Variants in CSMD2 observed in about 807,000 individuals in gnomAD.
CSMD2 encodes the protein CUB and sushi domain-containing protein 2.
A neutral mutation model predicts 398.5 loss-of-function variants in CSMD2; 130 were observed. The ratio of observed to expected loss-of-function variants is 0.33; its 90% CI spans 0.28 to 0.38. CSMD2 has a LOEUF of 0.38. Ranked by LOEUF, CSMD2 falls within the 10% of genes least tolerant of loss-of-function variation. The pLI is 1.00. For synonymous variants in CSMD2, 1,828 were observed against 1,908.5 expected, an observed-to-expected ratio of 0.96 and a Z score of 1.10; for missense variants, 3,829 against 4,764.9, an observed-to-expected ratio of 0.80 and a Z score of 5.78.
chr1:33,939,409 A>G (rs1644592646), intron 3 of CSMD2, among the ~76,000 whole-genome samples: 1 of 152,168 alleles, frequency 6.6e-6, no homozygotes, highest in South Asian at 2.1e-4. Context: ...TGGGAAGGGC[A>G]GGTCAGGTAA....
chr1:34,111,272 A>G (rs1661054142), intron 1 of CSMD2, among the ~76,000 whole-genome samples: 1 of 152,190 alleles, frequency 6.6e-6, no homozygotes, highest in African/African-American at 2.4e-5. Context: ...AAACCAAACC[A>G]GTTGGTGTGG....
intron 5 of CSMD2, among the ~76,000 whole-genome samples, chr1:33,849,109 C>A (rs1225408701): frequency 6.6e-6 from 1 of 152,194 alleles, no homozygotes; most frequent in African/African-American, 2.4e-5. Flanking sequence ...TCCTAGAAAT[C>A]CTGTTAACTG....
At chr1:34,073,313 C>G (rs2148304754) in intron 2 of CSMD2, among the ~76,000 whole-genome samples, 1 of 152,342 alleles carries the variant, frequency 6.6e-6, no homozygotes, top group Middle Eastern at 3.4e-3. Context: ...CTCAAACCCA[C>G]TTCCTATTAA....
chr1:34,032,749 G>A (rs1303764145), intron 2 of CSMD2, 43 bp from the exon 3 acceptor site: 2 of 1,350,316 alleles, frequency 1.5e-6, no homozygotes, highest in Non-Finnish European at 2.1e-6. Context: ...ACCCCCTTGG[G>A]AAACTACACA....
At chr1:33,789,252 C>A (rs1329709925) in intron 11 of CSMD2, among the ~76,000 whole-genome samples, 1 of 152,104 alleles carries the variant, frequency 6.6e-6, no homozygotes, top group East Asian at 1.9e-4. Flanking sequence ...TATCTGAGGG[C>A]CACATTCTTA....
chr1:34,151,442 G>A (rs1331153203), intron 1 of CSMD2, among the ~76,000 whole-genome samples: 3 of 152,164 alleles, frequency 2.0e-5, no homozygotes, highest in African/African-American at 4.8e-5. Context: ...GAGGGTGGAG[G>A]CAGCAAGGTG....
intron 68 of CSMD2, among the ~76,000 whole-genome samples, chr1:33,520,260 C>T (rs2148520852): frequency 6.6e-6 from 1 of 152,346 alleles, no homozygotes; most frequent in Non-Finnish European, 1.5e-5. Context: ...CTTTAGAAGT[C>T]TCTAAAGTTC....
chr1:33,520,483 TG>T (rs1315909179), intron 68 of CSMD2, among the ~76,000 whole-genome samples: 2 of 152,144 alleles, frequency 1.3e-5, no homozygotes, highest in Non-Finnish European at 2.9e-5. Flanking sequence ...ACTGAGGGGC[TG>T]GGGCTCTGAG....
intron 22 of CSMD2, among the ~76,000 whole-genome samples, chr1:33,701,907 A>T (rs1645624760): frequency 6.6e-6 from 1 of 152,250 alleles, no homozygotes. Context: ...ATAATCATCA[A>T]TTGCAGTAAG....
chr1:33,954,070 G>A (rs12023736), intron 3 of CSMD2, among the ~76,000 whole-genome samples: 6,124 of 152,182 alleles, frequency 0.04, 152 homozygotes, highest in Non-Finnish European at 0.057. Context: ...CTACCCCTTA[G>A]GGTTGCTATG....
At chr1:34,042,436 A>G (rs912017186) in intron 2 of CSMD2, among the ~76,000 whole-genome samples, 1 of 152,216 alleles carries the variant, frequency 6.6e-6, no homozygotes, top group Non-Finnish European at 1.5e-5. Flanking sequence ...CCAATTTGCT[A>G]TATTACCATT....
At chr1:33,755,488 C>T (rs1182962182) in intron 13 of CSMD2, among the ~76,000 whole-genome samples, 1 of 152,128 alleles carries the variant, frequency 6.6e-6, no homozygotes, top group East Asian at 1.9e-4. Context: ...AAGGAGAATA[C>T]TGAGGATGCA....
chr1:33,911,691 C>T (rs1643451881), intron 5 of CSMD2, among the ~76,000 whole-genome samples: 1 of 152,290 alleles, frequency 6.6e-6, no homozygotes, highest in East Asian at 1.9e-4. Context: ...GCCTGCTTCC[C>T]AGGGAAATTC....
At chr1:34,023,590 C>G (rs1215887385) in intron 3 of CSMD2, among the ~76,000 whole-genome samples, 1 of 152,136 alleles carries the variant, frequency 6.6e-6, no homozygotes, top group Non-Finnish European at 1.5e-5. Context: ...CTCGGAGAGC[C>G]ACAAGATTTG....
At chr1:33,863,461 C>G (rs569589066) in intron 5 of CSMD2, 42 of 152,290 alleles carry the variant, frequency 2.8e-4, no homozygotes, top group African/African-American at 9.1e-4. Context: ...GGTTCTCCCC[C>G]CTCTTTCGCC....
At chr1:33,566,116 G>T (rs542465797) in intron 53 of CSMD2, among the ~76,000 whole-genome samples, 2 of 151,530 alleles carry the variant, frequency 1.3e-5, no homozygotes, top group Non-Finnish European at 2.9e-5. Context: ...AAAAACAGTG[G>T]GAAACAAAGC....
At chr1:33,688,927 T>C in intron 25 of CSMD2, among the ~76,000 whole-genome samples, 1 of 151,842 alleles carries the variant, frequency 6.6e-6, no homozygotes, top group Non-Finnish European at 1.5e-5. Context: ...GGGCTTTTTG[T>C]GTTTGTCTAA....
At chr1:33,622,061 T>C (rs1641807910) in intron 37 of CSMD2, 106 bp downstream of exon 37, 2 of 836,370 alleles carry the variant, frequency 2.4e-6, no homozygotes, top group South Asian at 3.0e-5. Flanking sequence ...AAGGCTTAAG[T>C]GGGATGGACA....
At position 33,724,661 on chromosome 1, in the gene CSMD2, T is replaced by G. The variant is rs745640318; in HGVS notation, c.2739A>C (p.Pro913=). The change falls in exon 18 of 71, where the codon CCA becomes CCC. Residue 913 remains proline (P), a synonymous_variant. Coordinates refer to ENST00000373381, the MANE Select transcript of CSMD2 (RefSeq NM_001281956.2). ...QSDHCLDPGI[P]VNGQRHGNDF... is the part of the protein sequence containing the mutation. ...CATTCCCATGACGCTGTCCATTTACTGGGATTCCTGGATCCAGACAGTGGT... is the reference window on the plus strand; with the variant it reads ...CATTCCCATGACGCTGTCCATTTACGGGGATTCCTGGATCCAGACAGTGGT... 3 of 1,614,074 alleles carry G rather than the reference T, an allele frequency of 1.9e-6. No individual in the cohort carries two copies. Among genetic ancestry groups the G allele is most frequent in the African/African-American group, 2.7e-5 (2 of 74,932 alleles).
Sources: gnomAD v4.1 joint callset for allele counts (sites outside exome capture counted in the v4.1 genomes callset) on GRCh38, gnomAD v4.1.1 for gene constraint, MANE v1.5 for transcripts, NCBI Gene and HGNC (gene_info 2026-07-23, HGNC 2026-07-21) for gene names.